The following NKAIN2 variants were observed in gnomAD, a reference collection of about 807,000 sequenced individuals.
NKAIN2 encodes sodium/potassium-transporting ATPase subunit beta-1-interacting protein 2.
In NKAIN2, 14 loss-of-function variants were observed where a neutral mutation model predicts 32.6. The ratio of observed to expected loss-of-function variants is 0.43; its 90% confidence interval spans 0.28 to 0.67. NKAIN2 has a LOEUF of 0.67. Among genes scored for constraint, NKAIN2 ranks in the 30% least tolerant of loss-of-function variants. The pLI is 0.17. For synonymous variants in NKAIN2, 80 were observed against 87.2 expected (o/e 0.92, Z 0.46); for missense variants, 198 against 258.3 (o/e 0.77, Z 1.60).
Position 123,897,442 on chromosome 6 carries a change from T to G in NKAIN2, c.54+93188T>G, listed in dbSNP as rs145282737. On this transcript the variant is annotated intron_variant, in intron 1 of 6. Coordinates refer to ENST00000368417, the MANE Select transcript of NKAIN2 (RefSeq NM_001040214.3). The stretch of plus-strand genomic sequence containing the variant: ...ATCCTCTCAAATGCTTTTTGATTAT[T>G]AAGTCTTTCCATCTGTTTTTCAGGG... 2.8e-3 allele frequency among the ~76,000 whole-genome samples: 427 copies of G among 152,258 alleles called. 2 individuals carry two copies. Among genetic ancestry groups the G allele is most frequent in the African/African-American group, 9.8e-3 (409 of 41,554 alleles).
At chr6:124,386,229 T>C (rs1220524141) in intron 3 of NKAIN2, among the ~76,000 whole-genome samples, 1 of 152,188 alleles carries the variant, frequency 6.6e-6, no homozygotes, top group Admixed American at 6.6e-5. Context: ...TACTCGCTGG[T>C]AACGCCTTCC....
intron 1 of NKAIN2, among the ~76,000 whole-genome samples, chr6:123,956,207 C>T (rs569768375): frequency 6.6e-6 from 1 of 152,072 alleles, no homozygotes; most frequent in Non-Finnish European, 1.5e-5. Context: ...AAAGGAAAAC[C>T]GGTATCTATT....
intron 2 of NKAIN2, among the ~76,000 whole-genome samples, chr6:124,305,621 A>G (rs1796475187): frequency 1.3e-5 from 2 of 152,174 alleles, no homozygotes; most frequent in African/African-American, 4.8e-5. Flanking sequence ...TTAAAAATAA[A>G]ATCTGAGATA....
intron 1 of NKAIN2, among the ~76,000 whole-genome samples, chr6:124,236,669 G>A (rs1792781026): frequency 6.6e-6 from 1 of 152,102 alleles, no homozygotes; most frequent in South Asian, 2.1e-4. Flanking sequence ...AGATTCCTTG[G>A]TTTTGTCTAA....
chr6:124,677,194 C>T (rs1350928822), intron 4 of NKAIN2, among the ~76,000 whole-genome samples: 1 of 152,204 alleles, frequency 6.6e-6, no homozygotes, highest in Non-Finnish European at 1.5e-5. Context: ...GTCTCGAACT[C>T]CTGACCTGAA....
intron 3 of NKAIN2, among the ~76,000 whole-genome samples, chr6:124,447,857 C>T (rs1024078002): frequency 5.9e-5 from 9 of 152,128 alleles, no homozygotes; most frequent in Admixed American, 1.3e-4. Context: ...CATATTAACA[C>T]GATGGCCCTC....
intron 1 of NKAIN2, among the ~76,000 whole-genome samples, chr6:124,277,822 T>C (rs947584480): frequency 6.6e-6 from 1 of 152,052 alleles, no homozygotes; most frequent in African/African-American, 2.4e-5. Flanking sequence ...TAATTTCCAT[T>C]TATAATTTAG....
At chr6:124,483,501 A>T (rs1008053515) in intron 3 of NKAIN2, among the ~76,000 whole-genome samples, 1 of 152,278 alleles carries the variant, frequency 6.6e-6, no homozygotes, top group Admixed American at 6.5e-5. Flanking sequence ...TGAAGGTAAA[A>T]ATATTTCAAG....
intron 1 of NKAIN2, among the ~76,000 whole-genome samples, chr6:124,239,867 T>C (rs1288808104): frequency 6.6e-6 from 1 of 151,900 alleles, no homozygotes; most frequent in Non-Finnish European, 1.5e-5. Context: ...ATTCAAAAGC[T>C]AGCAGAAAAC....
intron 4 of NKAIN2, among the ~76,000 whole-genome samples, chr6:124,686,004 G>A (rs561275857): frequency 6.6e-6 from 1 of 152,266 alleles, no homozygotes; most frequent in South Asian, 2.1e-4. Context: ...CTGAGGCTTG[G>A]CTGGGGAAGG....
rs1794497195 is a variant in NKAIN2 at position 124,266,430 on chromosome 6, AC to A, written c.55-16573del. On this transcript the variant is annotated intron_variant, in intron 1 of 6. Transcript: ENST00000368417. ...GTAGCTGGGACTACAGGCACACACC[AC>A]CACACCCGGCTAATTTTTTGCATTT... Among the ~76,000 whole-genome samples, 7 of 151,856 alleles carry A rather than the reference AC, an allele frequency of 4.6e-5. No individual in the cohort carries two copies. In the South Asian group the frequency reaches 1.4e-3, roughly 31 times the overall value.
chr6:124,034,821 T>C (rs773248373), intron 1 of NKAIN2, among the ~76,000 whole-genome samples: 7 of 152,140 alleles, frequency 4.6e-5, no homozygotes, highest in Non-Finnish European at 8.8e-5. Flanking sequence ...TTCTGACTGC[T>C]GTGAGACTTT....
chr6:124,112,252 G>C (rs1333349359), intron 1 of NKAIN2, among the ~76,000 whole-genome samples: 1 of 152,110 alleles, frequency 6.6e-6, no homozygotes, highest in East Asian at 1.9e-4. Context: ...GTCCGGTGTT[G>C]ATGATCTCCC....
chr6:124,444,253 C>A (rs928074851), intron 3 of NKAIN2, among the ~76,000 whole-genome samples: 1 of 151,962 alleles, frequency 6.6e-6, no homozygotes, highest in Admixed American at 6.6e-5. Context: ...CAAATTCTAT[C>A]TTATAAAAAT....
At chr6:123,981,072 T>C (rs1778874119) in intron 1 of NKAIN2, among the ~76,000 whole-genome samples, 1 of 152,158 alleles carries the variant, frequency 6.6e-6, no homozygotes, top group Non-Finnish European at 1.5e-5. Flanking sequence ...TTTCACCATG[T>C]TGGCCAGGAT....
At chr6:124,341,783 G>A (rs1305613015) in intron 2 of NKAIN2, among the ~76,000 whole-genome samples, 1 of 152,094 alleles carries the variant, frequency 6.6e-6, no homozygotes, top group South Asian at 2.1e-4. Flanking sequence ...TTTTTATGTA[G>A]GTGTTTTTCT....
chr6:124,763,051 C>T (rs1778345680), intron 4 of NKAIN2, among the ~76,000 whole-genome samples: 1 of 152,138 alleles, frequency 6.6e-6, no homozygotes, highest in African/African-American at 2.4e-5. Context: ...AGGCCAGGCA[C>T]AGAAAGTCAA....
At chr6:124,231,950 C>T (rs1792485658) in intron 1 of NKAIN2, among the ~76,000 whole-genome samples, 2 of 151,296 alleles carry the variant, frequency 1.3e-5, no homozygotes, top group Non-Finnish European at 2.9e-5. Context: ...TTAATTAGAC[C>T]CTGTCTTCTC....
At chr6:124,019,730 T>A (rs1780778857) in intron 1 of NKAIN2, among the ~76,000 whole-genome samples, 1 of 152,146 alleles carries the variant, frequency 6.6e-6, no homozygotes, top group Admixed American at 6.6e-5. Context: ...TTATGGAAAC[T>A]TATTTGTTTT....
Sources: gnomAD v4.1 joint callset for allele counts (sites outside exome capture counted in the v4.1 genomes callset) on GRCh38, gnomAD v4.1.1 for gene constraint, MANE v1.5 for transcripts, NCBI Gene and HGNC (gene_info 2026-07-23, HGNC 2026-07-21) for gene names.